The following COL19A1 variants were observed in gnomAD, a reference collection of about 807,000 sequenced individuals.
COL19A1 encodes the protein collagen type XIX alpha 1 chain.
A neutral mutation model predicts 190.2 loss-of-function variants in COL19A1; 159 were observed. The ratio of observed to expected loss-of-function variants is 0.84; its 90% CI spans 0.73 to 0.95. COL19A1 has a LOEUF of 0.95. Among genes scored for constraint, COL19A1 ranks in the 40% least tolerant of loss-of-function variants. The pLI is 0.00. For missense variants in COL19A1, 1,418 were observed against 1,431.9 expected (o/e 0.99, Z 0.16); for synonymous variants, 509 against 458.9 (o/e 1.11, Z -1.39).
chr6:70,137,514 C>G (rs1416477276), intron 18 of COL19A1, among the ~76,000 whole-genome samples, 171 bp from the exon 19 acceptor site: 1 of 152,080 alleles, frequency 6.6e-6, no homozygotes, highest in Admixed American at 6.6e-5. Flanking sequence ...TACTGACAAA[C>G]ACATTATCAT....
chr6:70,181,858 G>T (rs1481261752), intron 44 of COL19A1, among the ~76,000 whole-genome samples: 2 of 152,072 alleles, frequency 1.3e-5, no homozygotes, highest in African/African-American at 4.8e-5. Flanking sequence ...GGAGAGAAGT[G>T]AGCCCGATGG....
intron 14 of COL19A1, among the ~76,000 whole-genome samples, chr6:70,064,479 T>C (rs1210199770): frequency 2.0e-5 from 3 of 152,052 alleles, no homozygotes; most frequent in Non-Finnish European, 4.4e-5. Context: ...TAAGAGCTAT[T>C]TATGACAAAC....
At chr6:70,102,526 A>C (rs1783700439) in intron 16 of COL19A1, among the ~76,000 whole-genome samples, 2 of 152,176 alleles carry the variant, frequency 1.3e-5, no homozygotes, top group African/African-American at 4.8e-5. Flanking sequence ...AGATAGATGA[A>C]TCCTGTTCTG....
At chr6:70,152,892 T>C (rs1346567136) in intron 31 of COL19A1, among the ~76,000 whole-genome samples, 3 of 152,136 alleles carry the variant, frequency 2.0e-5, no homozygotes, top group Non-Finnish European at 4.4e-5. Flanking sequence ...ACTGGTAGAA[T>C]ATGGGATCTC....
intron 3 of COL19A1, among the ~76,000 whole-genome samples, 169 bp downstream of exon 3, chr6:69,899,191 G>A (rs949264977): frequency 2.7e-5 from 4 of 146,136 alleles, no homozygotes; most frequent in Non-Finnish European, 4.5e-5. Context: ...TTGAGACAGG[G>A]TCTCACTCTG....
chr6:70,187,406 C>G (rs1766597341), intron 46 of COL19A1, among the ~76,000 whole-genome samples: 1 of 132,946 alleles, frequency 7.5e-6, no homozygotes, highest in African/African-American at 2.7e-5. Context: ...CACAAACAAA[C>G]AGGGGAAAGC....
intron 11 of COL19A1, among the ~76,000 whole-genome samples, chr6:70,023,038 T>C (rs1229042091): frequency 6.6e-6 from 1 of 152,168 alleles, no homozygotes; most frequent in Non-Finnish European, 1.5e-5. Context: ...TTGGTATATA[T>C]TGTCAATCCA....
intron 35 of COL19A1, among the ~76,000 whole-genome samples, chr6:70,162,318 GA>G (rs3840405): frequency 1.3e-5 from 2 of 151,604 alleles, no homozygotes; most frequent in African/African-American, 4.8e-5. Flanking sequence ...TTTTCTAAAG[GA>G]AAAAAAAGTG....
intron 25 of COL19A1, among the ~76,000 whole-genome samples, chr6:70,145,659 C>A (rs1481739406): frequency 6.6e-6 from 1 of 151,746 alleles, no homozygotes; most frequent in Non-Finnish European, 1.5e-5. Context: ...TGTACATATA[C>A]CCCTGAACCT....
chr6:70,111,920 C>T (rs1318289476), intron 16 of COL19A1, among the ~76,000 whole-genome samples: 1 of 152,134 alleles, frequency 6.6e-6, no homozygotes, highest in African/African-American at 2.4e-5. Context: ...CTCTTGGCCT[C>T]TATGTAACTT....
intron 15 of COL19A1, among the ~76,000 whole-genome samples, chr6:70,092,828 C>T (rs1783013281): frequency 6.6e-6 from 1 of 152,140 alleles, no homozygotes; most frequent in African/African-American, 2.4e-5. Context: ...TGTCCTGTCA[C>T]TTTACCTTAA....
intron 16 of COL19A1, among the ~76,000 whole-genome samples, chr6:70,113,817 G>T: frequency 7.5e-6 from 1 of 133,340 alleles, no homozygotes; most frequent in South Asian, 2.6e-4. Flanking sequence ...CTTTCCTCTT[G>T]ACTCTTCTTG....
At chr6:70,092,531 A>G (rs1206745254) in intron 15 of COL19A1, among the ~76,000 whole-genome samples, 4 of 152,168 alleles carry the variant, frequency 2.6e-5, no homozygotes, top group African/African-American at 9.6e-5. Context: ...TGAAATCAGC[A>G]CTTAAGTATC....
Position 70,194,035 on chromosome 6 carries a change from C to T in COL19A1, c.3094+3654C>T, listed in dbSNP as rs1011495271. On this transcript the variant is annotated intron_variant, in intron 48 of 50. Coordinates refer to ENST00000620364, the MANE Select transcript of COL19A1 (RefSeq NM_001858.6). ...CTAACTGCTACAGTTAAGTAGCACC[C>T]GTCTCCTTCTCTTTTTCTTAGTGGT... 7.9e-5 allele frequency among the ~76,000 whole-genome samples: 12 copies of T among 152,306 alleles called. No homozygotes were observed. The East Asian group carries it at 1.9e-3, about 25-fold the overall frequency.
intron 41 of COL19A1, among the ~76,000 whole-genome samples, chr6:70,175,672 TTTA>T (rs1221792255): frequency 1.3e-5 from 2 of 152,114 alleles, no homozygotes; most frequent in East Asian, 3.8e-4. Context: ...CTAGTATCTC[TTTA>T]TTATTATTCT....
chr6:70,139,924 CTT>C (rs56675325), intron 19 of COL19A1, among the ~76,000 whole-genome samples: 2 of 143,858 alleles, frequency 1.4e-5, no homozygotes, highest in Non-Finnish European at 3.1e-5. Context: ...GGGTTTTTCT[CTT>C]TTTTTTTTTT....
intron 15 of COL19A1, among the ~76,000 whole-genome samples, chr6:70,097,471 T>C (rs899123855): frequency 2.0e-5 from 3 of 151,836 alleles, no homozygotes; most frequent in Non-Finnish European, 4.4e-5. Flanking sequence ...TACTTCCACT[T>C]CTTGATCCTG....
intron 27 of COL19A1, among the ~76,000 whole-genome samples, chr6:70,149,445 C>CAGTGACAGATTATGG (rs1786887776): frequency 6.6e-6 from 1 of 152,088 alleles, no homozygotes; most frequent in African/African-American, 2.4e-5. Context: ...CATGAATGTG[C>CAGTGACAGATTATGG]AGTGACAGAT....
chr6:69,915,431 A>G (rs996778533), intron 4 of COL19A1, among the ~76,000 whole-genome samples: 1 of 152,206 alleles, frequency 6.6e-6, no homozygotes, highest in African/African-American at 2.4e-5. Flanking sequence ...TCTGAAAAGC[A>G]AAGTTTATCC....
Sources: allele counts gnomAD v4.1 joint callset (sites outside exome capture counted in the v4.1 genomes callset), GRCh38; gene constraint gnomAD v4.1.1; transcripts MANE v1.5; gene names NCBI Gene and HGNC (gene_info 2026-07-23, HGNC 2026-07-21).